The following FGD5 variants were observed in gnomAD, a reference collection of about 807,000 sequenced individuals.
FGD5 encodes FYVE, RhoGEF and PH domain-containing protein 5.
Under a neutral mutation model 133.4 loss-of-function variants are expected in FGD5, and 28 were observed. That is an observed-to-expected ratio of 0.21 (90% CI 0.16 to 0.29). FGD5 has a LOEUF of 0.29. Among genes scored for constraint, FGD5 ranks in the 10% least tolerant of loss-of-function variants. The pLI is 1.00. For missense variants in FGD5, 1,858 were observed against 1,895.2 expected, an observed-to-expected ratio of 0.98 and a Z score of 0.36; for synonymous variants, 810 against 776.5, an observed-to-expected ratio of 1.04 and a Z score of -0.72.
At chr3:14,911,785 C>T (rs908817196) in intron 11 of FGD5, among the ~76,000 whole-genome samples, 5 of 147,812 alleles carry the variant, frequency 3.4e-5, no homozygotes, top group Non-Finnish European at 7.4e-5. Flanking sequence ...GGAGGGATCT[C>T]GGGTGCCGTG....
chr3:14,852,153 C>T (rs552426175), intron 1 of FGD5, among the ~76,000 whole-genome samples: 1 of 152,260 alleles, frequency 6.6e-6, no homozygotes, highest in South Asian at 2.1e-4. Context: ...CACAGATATT[C>T]ACAGCAGCAT....
In FGD5 at chr3:14,820,760, C is replaced by T. The variant is rs2036478364; in HGVS notation, c.1689C>T (p.Tyr563=). The change falls in exon 1 of 20, where the codon TAC becomes TAT. Residue 563 remains tyrosine (Y), a synonymous_variant. Transcript: ENST00000285046. ...GCCGAGAGATTCCAGTGTCCGTGTA[C>T]CAGGAGCCTGAGGGGTCAGGGTTGG... ...VEGREIPVSV[Y]QEPEGSGLDD... is the part of the protein sequence containing the mutation. 1 of 1,612,900 alleles carries T rather than the reference C, an allele frequency of 6.2e-7. No homozygotes were observed. Among genetic ancestry groups the T allele is most frequent in the African/African-American group, 1.3e-5 (1 of 74,950 alleles).
At chr3:14,892,143 A>T (rs748810087) in intron 4 of FGD5, among the ~76,000 whole-genome samples, 1 of 151,712 alleles carries the variant, frequency 6.6e-6, no homozygotes, top group Non-Finnish European at 1.5e-5. Context: ...AGGGCTGTCC[A>T]TCCTCTCTCT....
In FGD5 at chr3:14,922,357, C is replaced by A; in HGVS notation, c.3670-54C>A. 1 of 1,549,954 alleles carries A rather than the reference C, an allele frequency of 6.5e-7. No individual in the cohort carries two copies. Among genetic ancestry groups the A allele is most frequent in the Non-Finnish European group, 8.7e-7 (1 of 1,145,752 alleles). On this transcript the variant is annotated intron_variant, in intron 14 of 19. Coordinates refer to ENST00000285046, the MANE Select transcript of FGD5 (RefSeq NM_152536.4). The surrounding 1 kb of genome is among the most constrained non-coding windows in gnomAD (Gnocchi z 4.1). ...GGGCAGGGCTCACTGGGCTCTGCAT[C>A]TGGCTGGTCTCCTGGCCACATTCCA...
intron 5 of FGD5, 131 bp from the exon 6 acceptor site, chr3:14,897,808 A>C (rs2038164946): frequency 6.9e-7 from 1 of 1,459,740 alleles, no homozygotes; most frequent in African/African-American, 1.4e-5. Flanking sequence ...TCATTTGCTC[A>C]AAGTAAAACA....
At chr3:14,812,469 A>C (rs940476398) in intron 1 of FGD5, among the ~76,000 whole-genome samples, 1 of 152,178 alleles carries the variant, frequency 6.6e-6, no homozygotes. Context: ...TTCTCTGAGA[A>C]TCTGGGGGAT....
At chr3:14,886,392 C>T (rs983014737) in intron 4 of FGD5, among the ~76,000 whole-genome samples, 3 of 152,194 alleles carry the variant, frequency 2.0e-5, no homozygotes, top group Non-Finnish European at 2.9e-5. Context: ...AGGGGCAGCA[C>T]GCACCCCGGG....
At chr3:14,857,021 T>C (rs1018449778) in intron 1 of FGD5, among the ~76,000 whole-genome samples, 2 of 152,238 alleles carry the variant, frequency 1.3e-5, no homozygotes, top group Non-Finnish European at 1.5e-5. Flanking sequence ...TTATCATATA[T>C]GGCCATTATT....
rs1455945774 is a variant in FGD5 at position 14,880,768 on chromosome 3, A to T, written c.2744A>T (p.Asn915Ile). ...TACGTGGAGATGCTCCAGCACTTAA[A>T]TCTGGTGAGTTAATCATTTTAATTG... ...KAYVEMLQHL[N>I]LDFHGAVMRA... Residue 915 changes from asparagine to isoleucine, a missense_variant, in exon 4 of 20, where the codon AAT (asparagine) becomes ATT (isoleucine). Asn to Ile is a moderately radical substitution (Grantham distance 149, BLOSUM62 -3). This residue lies in a region of FGD5 where 1,824 missense variants were observed against 1,848.9 expected (regional missense o/e 0.99). Transcript: ENST00000285046. 1 of 1,613,856 alleles carries T rather than the reference A, an allele frequency of 6.2e-7. No individual in the cohort carries two copies. The highest frequency in any genetic ancestry group is 1.1e-5 in the South Asian group (1 of 90,988).
chr3:14,814,674 G>A (rs561978538), upstream of FGD5, among the ~76,000 whole-genome samples: 8 of 152,058 alleles, frequency 5.3e-5, no homozygotes, highest in Non-Finnish European at 1.2e-4. Flanking sequence ...GGTGACCTCC[G>A]GCCAGACCTC....
At chr3:14,888,357 A>C (rs9882368) in intron 4 of FGD5, among the ~76,000 whole-genome samples, 2 of 152,156 alleles carry the variant, frequency 1.3e-5, no homozygotes, top group Non-Finnish European at 2.9e-5. Flanking sequence ...TAACAGAAAC[A>C]TACAGGATAC....
chr3:14,820,527 T>A lies in FGD5; in HGVS notation c.1456T>A (p.Ser486Thr). The change falls in exon 1 of 20, where the codon TCT becomes ACT. Residue 486 changes from serine to threonine, a missense_variant. Transcript: ENST00000285046. ...CACCAGCACGAGGGTCCGGCCCCAC[T>A]CTGGGAAGGTGGCCGGCTATGTCCC... Reference protein sequence around the residue: ...KNTSTRVRPHSGKVAGYVPET... With the variant: ...KNTSTRVRPHTGKVAGYVPET... 1.2e-6 allele frequency: 2 copies of A among 1,613,760 alleles called. No individual in the cohort carries two copies. The highest frequency in any genetic ancestry group is 8.5e-7 in the Non-Finnish European group (1 of 1,179,800).
chr3:14,819,598 G>T lies in FGD5; in HGVS notation c.527G>T (p.Cys176Phe). The change falls in exon 1 of 20, where the codon TGC becomes TTC. Residue 176 changes from cysteine (C) to phenylalanine (F), a missense_variant. This residue lies in a region of FGD5 where 1,824 missense variants were observed against 1,848.9 expected (regional missense o/e 0.99). Transcript: ENST00000285046. This position sits in a 1 kb window ranked among gnomAD's most constrained non-coding sequence, Gnocchi z 4.1. The stretch of plus-strand genomic sequence containing the variant: ...AAGCTAGTGCAGCCACACAGGGAGT[G>T]CAGCCTGGAGGACAGTGGGCCTTGG... ...EEKLVQPHRE[C>F]SLEDSGPWAG... The T allele has an allele frequency of 1.3e-6, 2 of 1,551,488 alleles. No homozygotes were observed. Among genetic ancestry groups the T allele is most frequent in the Non-Finnish European group, 1.7e-6 (2 of 1,146,972 alleles).
intron 4 of FGD5, among the ~76,000 whole-genome samples, chr3:14,883,573 A>G (rs185155275): frequency 7.2e-5 from 11 of 152,284 alleles, no homozygotes; most frequent in Non-Finnish European, 1.6e-4. Context: ...CCAAACAGCA[A>G]TCCATCCATT....
Position 14,922,574 on chromosome 3 carries a change from G to C in FGD5, c.3807+26G>C. 1 of 1,561,942 alleles carries C rather than the reference G, an allele frequency of 6.4e-7. No homozygotes were observed. Among genetic ancestry groups the C allele is most frequent in the Non-Finnish European group, 8.7e-7 (1 of 1,155,754 alleles). ...GTGAGTCGCTGCATCTGGGGTGAGTGTGTGCATGGGGGTGGGGTGGGGGAA... is the reference window on the plus strand; with the variant it reads ...GTGAGTCGCTGCATCTGGGGTGAGTCTGTGCATGGGGGTGGGGTGGGGGAA... On this transcript the variant is annotated intron_variant, in intron 15 of 19. Transcript: ENST00000285046. This position sits in a 1 kb window ranked among gnomAD's most constrained non-coding sequence, Gnocchi z 4.1.
intron 4 of FGD5, among the ~76,000 whole-genome samples, chr3:14,889,166 G>A (rs1223434930): frequency 6.6e-6 from 1 of 152,102 alleles, no homozygotes; most frequent in Non-Finnish European, 1.5e-5. Context: ...AAAAAAATGG[G>A]GAGCGCTTGC....
At chr3:14,862,386 A>G (rs1332677930) in intron 1 of FGD5, among the ~76,000 whole-genome samples, 1 of 152,152 alleles carries the variant, frequency 6.6e-6, no homozygotes, top group Non-Finnish European at 1.5e-5. Context: ...CCATGCAGTC[A>G]CTTTACTGAG....
At chr3:14,909,037 T>G (rs2038397016) in intron 10 of FGD5, among the ~76,000 whole-genome samples, 1 of 151,098 alleles carries the variant, frequency 6.6e-6, no homozygotes, top group African/African-American at 2.4e-5. Context: ...AGTGCGATCT[T>G]GGCTCACTGC....
At chr3:14,825,235 T>C (rs1406887482) in intron 1 of FGD5, among the ~76,000 whole-genome samples, 3 of 152,204 alleles carry the variant, frequency 2.0e-5, no homozygotes, top group Non-Finnish European at 4.4e-5. Flanking sequence ...CTGTTAACAG[T>C]CTTTTATAAA....
Sources: gnomAD v4.1 joint callset for allele counts (sites outside exome capture counted in the v4.1 genomes callset) on GRCh38, gnomAD v4.1.1 for gene constraint, gnomAD v4.1.1 regional missense constraint, Gnocchi (gnomAD v3.1) non-coding constraint, MANE v1.5 for transcripts, NCBI Gene and HGNC (gene_info 2026-07-23, HGNC 2026-07-21) for gene names.